HNF1B: variants seen among roughly 807,000 people sequenced by gnomAD.
The protein encoded by HNF1B is hepatocyte nuclear factor 1-beta.
Under a neutral mutation model 61.7 loss-of-function variants are expected in HNF1B, and 8 were observed. The ratio of observed to expected loss-of-function variants is 0.13; its 90% CI spans 0.08 to 0.23. HNF1B has a LOEUF of 0.23. Among genes scored for constraint, HNF1B ranks in the 10% least tolerant of loss-of-function variants. HNF1B has a pLI of 1.00. For synonymous variants in HNF1B, 314 were observed against 287.7 expected (o/e 1.09, Z -0.93); for missense variants, 562 against 714.5 (o/e 0.79, Z 2.43).
At chr17:37,694,453 C>CCG (rs1491336435) in intron 8 of HNF1B, among the ~76,000 whole-genome samples, 1 of 67,190 alleles carries the variant, frequency 1.5e-5, no homozygotes, top group Non-Finnish European at 3.9e-5. Context: ...CCCCCCCCCC[C>CCG]GCAAAAAAAA....
chr17:37,732,106 G>A (rs759155169), intron 3 of HNF1B, among the ~76,000 whole-genome samples: 6 of 152,182 alleles, frequency 3.9e-5, no homozygotes, highest in Non-Finnish European at 8.8e-5. Flanking sequence ...TCGAGGAGAA[G>A]AGAGCAAGCC....
At chr17:37,743,431 GA>G (rs908243029) in intron 1 of HNF1B, among the ~76,000 whole-genome samples, 1 of 152,142 alleles carries the variant, frequency 6.6e-6, no homozygotes, top group African/African-American at 2.4e-5. Context: ...TGTGTTTGGG[GA>G]AAAAAAATCT....
chr17:37,715,301 A>G (rs977044272), intron 4 of HNF1B, among the ~76,000 whole-genome samples: 3 of 152,162 alleles, frequency 2.0e-5, no homozygotes, highest in African/African-American at 4.8e-5. Flanking sequence ...GGTACTGTGC[A>G]TATTTATTGA....
Position 37,744,905 on chromosome 17 carries a change from A to C in HNF1B, c.-21T>G. On this transcript the variant is annotated 5_prime_UTR_variant, in exon 1 of 9. Transcript: ENST00000617811. The stretch of plus-strand genomic sequence containing the variant: ...ACCATTTTCCAAGGACGGAAAAAGA[A>C]GGGGGTGAGGGGGTGGGTGGGTGCG... The C allele has an allele frequency of 6.5e-6, 2 of 306,250 alleles. No individual in the cohort carries two copies. Among genetic ancestry groups the C allele is most frequent in the Non-Finnish European group, 1.2e-5 (2 of 160,554 alleles). 19.0% of individuals were successfully genotyped at this position (306,250 alleles called of 1,614,324 possible).
intron 4 of HNF1B, chr17:37,729,805 C>T (rs763141340): frequency 3.3e-5 from 5 of 152,288 alleles, no homozygotes; most frequent in Admixed American, 6.5e-5. Context: ...ATCACTGCCT[C>T]TTTCTGGGCC....
intron 5 of HNF1B, among the ~76,000 whole-genome samples, chr17:37,709,508 A>G (rs1325388407): frequency 6.6e-6 from 1 of 151,956 alleles, no homozygotes; most frequent in Admixed American, 6.6e-5. Context: ...CACCTGCCTC[A>G]GTCTCCCCAA....
chr17:37,744,392 G>A, intron 1 of HNF1B, 149 bp downstream of exon 1: 3 of 758,416 alleles, frequency 4.0e-6, no homozygotes, highest in Non-Finnish European at 4.3e-6. Context: ...GGAAGGGTCC[G>A]GGTGTTGGGA....
chr17:37,721,700 T>C (rs965625537), intron 4 of HNF1B, among the ~76,000 whole-genome samples: 6 of 148,790 alleles, frequency 4.0e-5, no homozygotes, highest in Non-Finnish European at 5.9e-5. Context: ...ACCCTGACTA[T>C]GCATCCAAAT....
intron 8 of HNF1B, among the ~76,000 whole-genome samples, chr17:37,691,810 C>T (rs762882387): frequency 1.2e-4 from 19 of 152,292 alleles, no homozygotes; most frequent in Admixed American, 5.9e-4. Flanking sequence ...CACTCTGCTT[C>T]CTCACCCAGT....
At chr17:37,700,237 G>T (rs568757569) in intron 7 of HNF1B, among the ~76,000 whole-genome samples, 10 of 152,318 alleles carry the variant, frequency 6.6e-5, no homozygotes, top group African/African-American at 2.2e-4. Context: ...CCTGTGTCAG[G>T]GGCTATAGCC....
At chr17:37,687,543 C>A in intron 8 of HNF1B, 151 bp from the exon 9 acceptor site, 1 of 714,316 alleles carries the variant, frequency 1.4e-6, no homozygotes, top group South Asian at 1.5e-5. Flanking sequence ...CTCAGTTCTG[C>A]AGTTTTCATG....
Position 37,731,749 on chromosome 17 carries a change from G to A in HNF1B, c.891C>T (p.Tyr297=). Residue 297 remains tyrosine (Y), a synonymous_variant, in exon 4 of 9, where the codon TAC becomes TAT. Transcript: ENST00000617811. ...CCTTCCTGCGGTTTGCAAACCAGTT[G>A]TAGACACGGACCTCAGTGACCAAGT... is the stretch of plus-strand genomic sequence containing the variant. ...GSNLVTEVRV[Y]NWFANRRKEE... is the part of the protein sequence containing the mutation. 1 of 1,614,128 alleles carries A rather than the reference G, an allele frequency of 6.2e-7. No individual in the cohort carries two copies. The highest frequency in any genetic ancestry group is 1.1e-5 in the South Asian group (1 of 91,070).
chr17:37,707,301 G>A (rs7222069), intron 5 of HNF1B, among the ~76,000 whole-genome samples: 12,151 of 151,680 alleles, frequency 0.08, 1,241 homozygotes, highest in African/African-American at 0.24. Context: ...TTTTTTGTAG[G>A]GACAGGGCCT....
intron 5 of HNF1B, among the ~76,000 whole-genome samples, chr17:37,705,679 A>C (rs1322082709): frequency 6.6e-6 from 1 of 152,028 alleles, no homozygotes; most frequent in African/African-American, 2.4e-5. Flanking sequence ...TTCCTCATTG[A>C]TTTTTTTCCA....
chr17:37,744,711 G>C lies in HNF1B; in HGVS notation c.174C>G (p.Thr58=). Reference sequence around the variant, plus strand: ...TGGTGAGAGTATGGAAGACCGGCTTGGTGTCGGGCTCGGCCCCGCTGCCAG... The same window carrying C: ...TGGTGAGAGTATGGAAGACCGGCTTCGTGTCGGGCTCGGCCCCGCTGCCAG... ...LSPGSGAEPD[T]KPVFHTLTNG... Residue 58 remains threonine (T), a synonymous_variant, in exon 1 of 9, where the codon ACC becomes ACG. Transcript: ENST00000617811. 6.2e-7 allele frequency: 1 copy of C among 1,613,434 alleles called. No individual in the cohort carries two copies. The highest frequency in any genetic ancestry group is 8.5e-7 in the Non-Finnish European group (1 of 1,180,044).
At chr17:37,691,500 C>A (rs1021577655) in intron 8 of HNF1B, among the ~76,000 whole-genome samples, 18 of 152,130 alleles carry the variant, frequency 1.2e-4, no homozygotes, top group South Asian at 2.1e-4. Flanking sequence ...CCACGTAAGA[C>A]CCTTTTCCCA....
chr17:37,732,908 T>C (rs992284614), intron 3 of HNF1B, among the ~76,000 whole-genome samples: 1 of 151,194 alleles, frequency 6.6e-6, no homozygotes. Flanking sequence ...CTCAAACTCC[T>C]GGGCTCAAGC....
chr17:37,735,901 G>T (rs924531376), intron 2 of HNF1B, among the ~76,000 whole-genome samples: 1 of 152,180 alleles, frequency 6.6e-6, no homozygotes, highest in Non-Finnish European at 1.5e-5. Flanking sequence ...TGGGACTACG[G>T]ATGTGCAGGC....
chr17:37,720,700 G>T, intron 4 of HNF1B: 1 of 729,672 alleles, frequency 1.4e-6, no homozygotes, highest in Non-Finnish European at 1.7e-6. Context: ...CAGGCACAGG[G>T]CTATGGGCTG....
Sources: gnomAD v4.1 joint callset for allele counts (sites outside exome capture counted in the v4.1 genomes callset) on GRCh38, gnomAD v4.1.1 for gene constraint, MANE v1.5 for transcripts, NCBI Gene and HGNC (gene_info 2026-07-23, HGNC 2026-07-21) for gene names.